The following EFHB variants were observed in gnomAD, a reference collection of about 807,000 sequenced individuals.
EFHB encodes EF-hand domain family member B.
Under a neutral mutation model 87.2 loss-of-function variants are expected in EFHB, and 91 were observed. The observed-to-expected ratio is 1.04, with a 90% CI of 0.88 to 1.24. The LOEUF (loss-of-function observed/expected upper bound fraction) is 1.24, where lower values mean the gene tolerates loss of function less well. EFHB is among the 50% of genes most tolerant of loss of function. The probability of loss-of-function intolerance (pLI) is 0.00; values close to 1 mark genes in which losing one functional copy is unlikely to be tolerated. For synonymous variants in EFHB, 325 were observed against 333.6 expected (o/e 0.97, Z 0.28); for missense variants, 1,084 against 998.8 (o/e 1.09, Z -1.15).
In EFHB at chr3:19,931,334, T is replaced by A. The variant is rs117236788; in HGVS notation, c.789+1896A>T. Among the ~76,000 whole-genome samples the A allele has an allele frequency of 2.5e-4, 38 of 152,252 alleles. No individual in the cohort carries two copies. In the East Asian group the frequency reaches 6.2e-3, roughly 25 times the overall value. ...CATTTAGAAAGGAAGGTATGCGAAGTGGGAGGAAGCAGAGGTTTTAGAATT... is the reference window on the plus strand; with the variant it reads ...CATTTAGAAAGGAAGGTATGCGAAGAGGGAGGAAGCAGAGGTTTTAGAATT... On this transcript the variant is annotated intron_variant, in intron 1 of 12. Transcript: ENST00000295824.
At chr3:19,884,014 A>C (rs1447539301) in intron 11 of EFHB, among the ~76,000 whole-genome samples, 2 of 152,242 alleles carry the variant, frequency 1.3e-5, no homozygotes, top group African/African-American at 4.8e-5. Context: ...ATGGGGAATG[A>C]ATATGCAGAG....
chr3:19,930,067 C>T (rs1246119874), intron 1 of EFHB, among the ~76,000 whole-genome samples: 1 of 152,094 alleles, frequency 6.6e-6, no homozygotes, highest in Non-Finnish European at 1.5e-5. Flanking sequence ...GAATTAATAC[C>T]TGCAAAGGTC....
chr3:19,936,151 A>C, upstream of EFHB: 640 of 1,417,254 alleles, frequency 4.5e-4, no homozygotes, highest in Non-Finnish European at 5.6e-4. Flanking sequence ...CTGTAATCTC[A>C]ACACTTCGGG....
At chr3:19,910,836 T>C (rs1695038920) in intron 5 of EFHB, among the ~76,000 whole-genome samples, 1 of 152,222 alleles carries the variant, frequency 6.6e-6, no homozygotes, top group Non-Finnish European at 1.5e-5. Flanking sequence ...TCCCAGATCT[T>C]GTCCAAGTCC....
intron 7 of EFHB, among the ~76,000 whole-genome samples, chr3:19,899,106 A>G (rs1694582308): frequency 6.6e-6 from 1 of 152,196 alleles, no homozygotes; most frequent in South Asian, 2.1e-4. Context: ...CAAAATTACC[A>G]AAGTATAAAT....
rs1231716588 is a variant in EFHB at position 19,933,295 on chromosome 3, G to A, written c.724C>T (p.Pro242Ser). ...TATATGGGTCTGATGCGATCTGGAG[G>A]TTCCACTCCTGATTCAATGTTTCCA... ...EAGNIESGVE[P>S]PDRIRPIYSG... The change falls in exon 1 of 13, where the codon CCT becomes TCT. Residue 242 changes from proline (P) to serine (S), a missense_variant. Coordinates refer to ENST00000295824, the MANE Select transcript of EFHB (RefSeq NM_144715.4). 4.3e-6 allele frequency: 7 copies of A among 1,613,982 alleles called. No individual in the cohort carries two copies. Among genetic ancestry groups the A allele is most frequent in the Non-Finnish European group, 5.9e-6 (7 of 1,179,894 alleles).
At chr3:19,934,259 T>A, upstream of EFHB, 7 of 1,416,458 alleles carry the variant, frequency 4.9e-6, no homozygotes, top group Non-Finnish European at 6.4e-6. Flanking sequence ...GGCTTGGCGC[T>A]CAAGTCCTGC....
chr3:19,937,985 CCCAA>C (rs1696061797), upstream of EFHB, among the ~76,000 whole-genome samples: 1 of 152,144 alleles, frequency 6.6e-6, no homozygotes, highest in African/African-American at 2.4e-5. Context: ...TATGCTTTGA[CCCAA>C]AAAGACGGGG....
intron 1 of EFHB, among the ~76,000 whole-genome samples, chr3:19,924,865 G>A (rs1224415716): frequency 6.6e-6 from 1 of 151,960 alleles, no homozygotes; most frequent in East Asian, 1.9e-4. Context: ...AAAACTTAAA[G>A]TATAATAATA....
At chr3:19,903,367 C>A (rs1472373728) in intron 6 of EFHB, among the ~76,000 whole-genome samples, 1 of 151,942 alleles carries the variant, frequency 6.6e-6, no homozygotes, top group Non-Finnish European at 1.5e-5. Flanking sequence ...TCTTGAGGAC[C>A]ACATTGTTGT....
At chr3:19,896,362 T>G (rs1215326243) in intron 9 of EFHB, among the ~76,000 whole-genome samples, 1 of 152,202 alleles carries the variant, frequency 6.6e-6, no homozygotes, top group Non-Finnish European at 1.5e-5. Flanking sequence ...ATGGTGGTAG[T>G]GGAACCACAC....
intron 1 of EFHB, among the ~76,000 whole-genome samples, chr3:19,928,027 A>G (rs1340699902): frequency 6.6e-6 from 1 of 151,002 alleles, no homozygotes; most frequent in Non-Finnish European, 1.5e-5. Flanking sequence ...AGACAGTTGG[A>G]AAGCTGGGAA....
chr3:19,942,019 G>T (rs1399829085), intron 1 of EFHB, among the ~76,000 whole-genome samples: 1 of 151,722 alleles, frequency 6.6e-6, no homozygotes, highest in Non-Finnish European at 1.5e-5. Flanking sequence ...TTACCCAGGC[G>T]TGGTGGTGGG....
At chr3:19,931,554 GT>G (rs1375515852) in intron 1 of EFHB, among the ~76,000 whole-genome samples, 1 of 152,180 alleles carries the variant, frequency 6.6e-6, no homozygotes, top group Non-Finnish European at 1.5e-5. Context: ...AAGGGGAAAA[GT>G]CTTCAAACCC....
intron 5 of EFHB, among the ~76,000 whole-genome samples, chr3:19,908,463 G>A (rs1012513678): frequency 6.6e-6 from 1 of 151,564 alleles, no homozygotes; most frequent in East Asian, 1.9e-4. Context: ...AACCCAGGAG[G>A]CAGAGGTTGC....
At chr3:19,923,757 TA>T (rs1406840167) in intron 1 of EFHB, among the ~76,000 whole-genome samples, 1 of 152,076 alleles carries the variant, frequency 6.6e-6, no homozygotes, top group Non-Finnish European at 1.5e-5. Context: ...TACACAAACA[TA>T]GAGGGAATAG....
intron 12 of EFHB, 83 bp downstream of exon 12, chr3:19,882,467 T>G: frequency 7.8e-7 from 1 of 1,279,252 alleles, no homozygotes; most frequent in Non-Finnish European, 1.0e-6. Flanking sequence ...TTTGTAAATA[T>G]AAAAATTCAA....
rs181548876 is a variant in EFHB, at chr3:19,919,738, G to C, written c.996+95C>G. On this transcript the variant is annotated intron_variant, in intron 3 of 12. Coordinates refer to ENST00000295824, the MANE Select transcript of EFHB (RefSeq NM_144715.4). ...AGCCTAGTAAAAATATGGGTGGGAA[G>C]GAGATTGGAACTGATGAATTTCACT... The C allele has an allele frequency of 1.4e-4, 171 of 1,225,074 alleles. No individual in the cohort carries two copies. The East Asian group carries it at 3.8e-3, about 27-fold the overall frequency. 75.9% of individuals were successfully genotyped at this position (1,225,074 alleles called of 1,614,324 possible).
chr3:19,883,916 G>A (rs529350267), intron 11 of EFHB, among the ~76,000 whole-genome samples: 2 of 152,292 alleles, frequency 1.3e-5, no homozygotes, highest in South Asian at 2.1e-4. Context: ...CACCTTGCAC[G>A]TCAAGCCTCC....
Sources: allele counts gnomAD v4.1 joint callset (sites outside exome capture counted in the v4.1 genomes callset), GRCh38; gene constraint gnomAD v4.1.1; transcripts MANE v1.5; gene names NCBI Gene and HGNC (gene_info 2026-07-23, HGNC 2026-07-21).